ARHGAP26: variants seen among roughly 807,000 people sequenced by gnomAD.
The protein encoded by ARHGAP26 is Rho GTPase activating protein 26.
A neutral mutation model predicts 104.8 loss-of-function variants in ARHGAP26; 38 were observed. That is an observed-to-expected ratio of 0.36 (90% confidence interval 0.28 to 0.48). ARHGAP26 has a LOEUF of 0.48. Among genes scored for constraint, ARHGAP26 ranks in the 20% least tolerant of loss-of-function variants. The probability of loss-of-function intolerance (pLI) is 0.99; values close to 1 mark genes in which losing one functional copy is unlikely to be tolerated. For synonymous variants in ARHGAP26, 341 were observed against 340.0 expected (o/e 1.00, Z -0.03); for missense variants, 704 against 947.9 (o/e 0.74, Z 3.38).
chr5:143,042,116 C>T (rs1439608042), intron 14 of ARHGAP26, among the ~76,000 whole-genome samples: 1 of 152,180 alleles, frequency 6.6e-6, no homozygotes. Context: ...GGCCCAGACA[C>T]CACACCCTCT....
intron 17 of ARHGAP26, among the ~76,000 whole-genome samples, chr5:143,067,897 C>T (rs554605987): frequency 6.8e-4 from 103 of 152,350 alleles, no homozygotes; most frequent in African/African-American, 2.4e-3. Flanking sequence ...AGAGCAGTGG[C>T]TCATGCCTGT....
chr5:143,062,045 C>A (rs560481119), intron 17 of ARHGAP26, among the ~76,000 whole-genome samples: 1 of 152,274 alleles, frequency 6.6e-6, no homozygotes, highest in East Asian at 1.9e-4. Flanking sequence ...AAAGGCAGAG[C>A]TTTGACAGAA....
chr5:142,770,735 G>GC lies in ARHGAP26; in HGVS notation c.-21dup, dbSNP rs747929384. Reference sequence around the variant, plus strand: ...GCGGCCCGGGCCCCGGCGGAGGCGCGCCCCCCGGCTGGGCGCCGCGCGCAC... The same window carrying GC: ...GCGGCCCGGGCCCCGGCGGAGGCGCGCCCCCCCGGCTGGGCGCCGCGCGCAC... On this transcript the variant is annotated 5_prime_UTR_variant, in exon 1 of 23. Transcript: ENST00000645722. The GC allele has an allele frequency of 2.1e-5, 27 of 1,256,934 alleles. No individual in the cohort carries two copies. Among genetic ancestry groups the GC allele is most frequent in the South Asian group, 2.7e-5 (1 of 37,444 alleles). 77.9% of individuals were successfully genotyped at this position (1,256,934 alleles called of 1,614,324 possible). A position where few individuals can be genotyped will look rare whatever the true frequency, so the allele number is the denominator to read the frequency against.
chr5:143,207,998 C>T (rs890098275), intron 21 of ARHGAP26, among the ~76,000 whole-genome samples: 42 of 152,194 alleles, frequency 2.8e-4, no homozygotes, highest in African/African-American at 9.4e-4. Flanking sequence ...CATATACTCC[C>T]GAAACCATCC....
At chr5:142,939,185 T>C (rs147419128) in intron 11 of ARHGAP26, among the ~76,000 whole-genome samples, 7 of 152,318 alleles carry the variant, frequency 4.6e-5, no homozygotes, top group Middle Eastern at 6.8e-3. Context: ...TGATCTCGGA[T>C]AGATGATTCA....
At chr5:142,926,158 C>T (rs1422972863) in intron 10 of ARHGAP26, among the ~76,000 whole-genome samples, 1 of 152,160 alleles carries the variant, frequency 6.6e-6, no homozygotes, top group Non-Finnish European at 1.5e-5. Context: ...GAATGTGTTG[C>T]TAAACCATAT....
At chr5:142,898,940 A>G (rs905864045) in intron 6 of ARHGAP26, among the ~76,000 whole-genome samples, 1 of 152,352 alleles carries the variant, frequency 6.6e-6, no homozygotes, top group African/African-American at 2.4e-5. Context: ...TCTAAAGCCT[A>G]GAAGTCTGAA....
chr5:143,041,972 C>A, intron 14 of ARHGAP26, 82 bp downstream of exon 14: 1 of 1,201,208 alleles, frequency 8.3e-7, no homozygotes, highest in Non-Finnish European at 1.2e-6. Flanking sequence ...TGAGTAGATA[C>A]AGCCTGTGGC....
At chr5:142,854,210 C>T (rs1204497803) in intron 1 of ARHGAP26, among the ~76,000 whole-genome samples, 1 of 152,212 alleles carries the variant, frequency 6.6e-6, no homozygotes, top group Non-Finnish European at 1.5e-5. Context: ...ATGCCTGTCT[C>T]TAAAGTGTTT....
chr5:143,042,201 T>C (rs2150153384), intron 14 of ARHGAP26, among the ~76,000 whole-genome samples: 1 of 152,292 alleles, frequency 6.6e-6, no homozygotes, highest in South Asian at 2.1e-4. Flanking sequence ...ACTCTGTCTT[T>C]AATAGCTTAT....
chr5:142,850,928 TGGATAAGCTC>T (rs1751387337), intron 1 of ARHGAP26, among the ~76,000 whole-genome samples: 2 of 152,208 alleles, frequency 1.3e-5, no homozygotes, highest in Non-Finnish European at 2.9e-5. Flanking sequence ...ATTAGAGTGG[TGGATAAGCTC>T]GATATGCAGT....
chr5:142,775,623 A>G (rs1597565598), intron 1 of ARHGAP26, among the ~76,000 whole-genome samples: 1 of 152,268 alleles, frequency 6.6e-6, no homozygotes, highest in East Asian at 1.9e-4. Context: ...TTCCCATTAA[A>G]CAATAACTCC....
At chr5:143,101,500 G>A (rs1793224794) in intron 17 of ARHGAP26, among the ~76,000 whole-genome samples, 1 of 151,982 alleles carries the variant, frequency 6.6e-6, no homozygotes, top group African/African-American at 2.4e-5. Context: ...AGCTCTTTGG[G>A]GGTGACTCCT....
chr5:142,796,316 G>A lies in ARHGAP26; in HGVS notation c.154+25401G>A, dbSNP rs34448037. On this transcript the variant is annotated intron_variant, in intron 1 of 22. Transcript: ENST00000645722. ...TTAAATATTGACTCTGCCACAAATT[G>A]CCTCTGTCTTTGAGCAAATTATTTA... Among the ~76,000 whole-genome samples, 607 of 152,248 alleles carry A rather than the reference G, an allele frequency of 4.0e-3. 1 individual carries two copies. Among genetic ancestry groups the A allele is most frequent in the Non-Finnish European group, 7.1e-3 (481 of 68,018 alleles).
intron 1 of ARHGAP26, 32 bp downstream of exon 1, chr5:142,770,947 T>C: frequency 6.3e-7 from 1 of 1,578,918 alleles, no homozygotes; most frequent in Non-Finnish European, 8.6e-7. Flanking sequence ...GGGACGCGGC[T>C]CCGGGGCGGG....
intron 10 of ARHGAP26, among the ~76,000 whole-genome samples, chr5:142,919,927 A>G (rs554710368): frequency 3.7e-4 from 57 of 152,280 alleles, no homozygotes; most frequent in Middle Eastern, 3.4e-3. Flanking sequence ...GCTTGAACCC[A>G]GGAGATGGAG....
intron 10 of ARHGAP26, chr5:142,919,335 C>G (rs1007652190): frequency 2.5e-6 from 1 of 398,530 alleles, no homozygotes; most frequent in African/African-American, 2.1e-5. Context: ...GCACCAGAAG[C>G]TAGAGGAGAG....
chr5:143,149,184 G>A (rs1799516169), intron 20 of ARHGAP26, among the ~76,000 whole-genome samples: 1 of 152,066 alleles, frequency 6.6e-6, no homozygotes, highest in Non-Finnish European at 1.5e-5. Flanking sequence ...GTACAGATCT[G>A]GGGGGCTTTC....
intron 1 of ARHGAP26, among the ~76,000 whole-genome samples, chr5:142,861,996 C>T (rs1471617359): frequency 6.6e-6 from 1 of 152,180 alleles, no homozygotes; most frequent in African/African-American, 2.4e-5. Flanking sequence ...TGTATGGCTC[C>T]AGGTTCTGCC....
Sources: gnomAD v4.1 joint callset for allele counts (sites outside exome capture counted in the v4.1 genomes callset) on GRCh38, gnomAD v4.1.1 for gene constraint, MANE v1.5 for transcripts, NCBI Gene and HGNC (gene_info 2026-07-23, HGNC 2026-07-21) for gene names.